Variants in NIPA1 observed in about 807,000 individuals in gnomAD.
The protein encoded by NIPA1 is NIPA magnesium transporter 1, also known as magnesium transporter NIPA1.
NIPA1 carries 13 observed loss-of-function variants against 23.9 expected under a neutral mutation model. That is an observed-to-expected ratio of 0.54 (90% confidence interval 0.35 to 0.87). NIPA1 has a LOEUF of 0.87. Among genes scored for constraint, NIPA1 ranks in the 40% least tolerant of loss-of-function variants. The pLI is 0.01. For synonymous variants in NIPA1, 234 were observed against 202.9 expected, an observed-to-expected ratio of 1.15 and a Z score of -1.30; for missense variants, 362 against 429.7, an observed-to-expected ratio of 0.84 and a Z score of 1.39.
intron 1 of NIPA1, among the ~76,000 whole-genome samples, chr15:22,806,015 C>T (rs1895200844): frequency 6.6e-6 from 1 of 152,110 alleles, no homozygotes; most frequent in Non-Finnish European, 1.5e-5. Context: ...GCTCCGCCTT[C>T]TGGGTTCACA....
chr15:22,794,734 A>G (rs1894906387), intron 1 of NIPA1, among the ~76,000 whole-genome samples: 1 of 151,882 alleles, frequency 6.6e-6, no homozygotes, highest in Non-Finnish European at 1.5e-5. Flanking sequence ...TTCCTGTCAT[A>G]CCCACGCTCC....
rs568699524 is a variant in NIPA1 at position 22,827,349 on chromosome 15, C to T, written c.*3110C>T. The T allele has an allele frequency of 6.6e-6, 1 of 152,276 alleles. No homozygotes were observed. Among genetic ancestry groups the T allele is most frequent in the East Asian group, 1.9e-4 (1 of 5,174 alleles). 9.4% of individuals were successfully genotyped at this position (152,276 alleles called of 1,614,324 possible). A position where few individuals can be genotyped will look rare whatever the true frequency, so the allele number is the denominator to read the frequency against. On this transcript the variant is annotated 3_prime_UTR_variant, in exon 5 of 5. Coordinates refer to ENST00000337435, the MANE Select transcript of NIPA1 (RefSeq NM_144599.5). ...ACCCTAACCCAGCACCACAAAGCCC[C>T]CCTGGAGCATCTTCCCGGCTGGCAG...
chr15:22,819,062 TTTG>T, intron 3 of NIPA1, among the ~76,000 whole-genome samples: 1 of 152,212 alleles, frequency 6.6e-6, no homozygotes, highest in Admixed American at 6.5e-5. Flanking sequence ...ATTCATGTCT[TTTG>T]TTGTTTCTTT....
intron 1 of NIPA1, among the ~76,000 whole-genome samples, chr15:22,802,133 C>A (rs142946769): frequency 6.6e-6 from 1 of 152,036 alleles, no homozygotes; most frequent in Non-Finnish European, 1.5e-5. Flanking sequence ...GTGGCTCACG[C>A]CCGTAATCCC....
chr15:22,811,627 G>A (rs549866297), intron 2 of NIPA1, among the ~76,000 whole-genome samples: 1 of 152,206 alleles, frequency 6.6e-6, no homozygotes, highest in African/African-American at 2.4e-5. Flanking sequence ...GAAACATCAT[G>A]TACTTTGTTT....
At chr15:22,817,499 C>CAAA (rs60309093) in intron 3 of NIPA1, among the ~76,000 whole-genome samples, 2,823 of 122,900 alleles carry the variant, frequency 0.023, 74 homozygotes, top group African/African-American at 0.066. Flanking sequence ...AACTCCGTCT[C>CAAA]AAAAAAAAAA....
intron 1 of NIPA1, among the ~76,000 whole-genome samples, chr15:22,810,471 G>A: frequency 6.6e-6 from 1 of 152,236 alleles, no homozygotes; most frequent in Non-Finnish European, 1.5e-5. Flanking sequence ...CTTTGTGGTA[G>A]CTTGTTGGGT....
rs1173759010 is a variant in NIPA1, at chr15:22,824,555, G to C, written c.*316G>C. Reference sequence around the variant, plus strand: ...AAAACATTTTAACATTATTTAAACAGAAAAAGATGGGCTCTTTCTGGTTAG... The same window carrying C: ...AAAACATTTTAACATTATTTAAACACAAAAAGATGGGCTCTTTCTGGTTAG... On this transcript the variant is annotated 3_prime_UTR_variant, in exon 5 of 5. Coordinates refer to ENST00000337435, the MANE Select transcript of NIPA1 (RefSeq NM_144599.5). This position sits in a 1 kb window ranked among gnomAD's most constrained non-coding sequence, Gnocchi z 4.1. 1 of 346,608 alleles carries C rather than the reference G, an allele frequency of 2.9e-6. No individual in the cohort carries two copies. Among genetic ancestry groups the C allele is most frequent in the African/African-American group, 2.1e-5 (1 of 47,662 alleles). The allele number at this position is 346,608 out of a possible 1,614,324, so 21.5% of individuals were successfully genotyped here. A position where few individuals can be genotyped will look rare whatever the true frequency, so the allele number is the denominator to read the frequency against.
Position 22,795,332 on chromosome 15 carries a change from T to A in NIPA1, c.178+8498T>A, listed in dbSNP as rs193293527. ...ACCGAAGCCCCATGGTGTCCCAGAC[T>A]CATGCCATGTTGTGATTCTGTGGTG... On this transcript the variant is annotated intron_variant, in intron 1 of 4. Transcript: ENST00000337435. Among the ~76,000 whole-genome samples the A allele has an allele frequency of 5.9e-5, 9 of 152,164 alleles. No homozygotes were observed. In the East Asian group the frequency reaches 1.7e-3, roughly 29 times the overall value.
chr15:22,786,873 G>A, intron 1 of NIPA1, 39 bp downstream of exon 1: 1 of 851,400 alleles, frequency 1.2e-6, no homozygotes, highest in Non-Finnish European at 1.5e-6. Context: ...GGGCGGGTGG[G>A]GGAGGCGGGC....
At position 22,812,202 on chromosome 15, in the gene NIPA1, C is replaced by T. The variant is rs548931873; in HGVS notation, c.266C>T (p.Ala89Val). ...ATTGGAAACTTCCTGGCTTACACGG[C>T]GGTCCCCACGGTCCTGGTAACCCCC... ...GQIGNFLAYT[A>V]VPTVLVTPLG... Residue 89 changes from alanine (A) to valine (V), a missense_variant, in exon 3 of 5, where the codon GCG becomes GTG. Physicochemically the swap from Ala to Val is moderately conservative, Grantham distance 64. Coordinates refer to ENST00000337435, the MANE Select transcript of NIPA1 (RefSeq NM_144599.5). 66 of 1,613,700 alleles carry T rather than the reference C, an allele frequency of 4.1e-5. No individual in the cohort carries two copies. The highest frequency in any genetic ancestry group is 1.7e-4 in the Middle Eastern group (1 of 6,058).
chr15:22,801,758 A>G (rs1017329496), intron 1 of NIPA1, among the ~76,000 whole-genome samples: 1 of 151,954 alleles, frequency 6.6e-6, no homozygotes, highest in Non-Finnish European at 1.5e-5. Context: ...CTTGTGATCC[A>G]TATGCCTTGG....
intron 1 of NIPA1, among the ~76,000 whole-genome samples, chr15:22,807,753 A>G (rs917839455): frequency 4.3e-5 from 6 of 139,998 alleles, no homozygotes; most frequent in Non-Finnish European, 7.6e-5. Context: ...GTATGCCCTT[A>G]GGATAATTTC....
intron 3 of NIPA1, chr15:22,814,116 G>A (rs1352021109): frequency 4.7e-6 from 6 of 1,271,612 alleles, no homozygotes; most frequent in Admixed American, 4.6e-5. Context: ...GTCAGATGGT[G>A]TTCTGGATAA....
chr15:22,809,520 G>A (rs1280785060), intron 1 of NIPA1, among the ~76,000 whole-genome samples: 2 of 152,112 alleles, frequency 1.3e-5, no homozygotes, highest in African/African-American at 2.4e-5. Flanking sequence ...TGAGGCAGGC[G>A]GATCACCTGA....
chr15:22,791,351 C>G (rs1275728744), intron 1 of NIPA1, among the ~76,000 whole-genome samples: 1 of 151,994 alleles, frequency 6.6e-6, no homozygotes, highest in Non-Finnish European at 1.5e-5. Context: ...AGTTTAAACT[C>G]TAAATGAATT....
intron 1 of NIPA1, among the ~76,000 whole-genome samples, chr15:22,800,676 C>T: frequency 6.6e-6 from 1 of 152,146 alleles, no homozygotes; most frequent in South Asian, 2.1e-4. Flanking sequence ...CGCCTGTAAT[C>T]CCAGCACTTT....
rs776013407 is a variant in NIPA1 at position 22,820,403 on chromosome 15, G to A, written c.408G>A (p.Leu136=). The A allele has an allele frequency of 1.6e-5, 25 of 1,612,594 alleles. No individual in the cohort carries two copies. Among genetic ancestry groups the A allele is most frequent in the Non-Finnish European group, 2.0e-5 (24 of 1,178,696 alleles). Residue 136 remains leucine (L), a synonymous_variant, in exon 4 of 5, where the codon CTG becomes CTA. Coordinates refer to ENST00000337435, the MANE Select transcript of NIPA1 (RefSeq NM_144599.5). The stretch of plus-strand genomic sequence containing the variant: ...TAAGCTGTGCAGGCTCCGTCGTGCT[G>A]ATTATCCACTCCCCAAAGTCTGAGA... ...CLLSCAGSVV[L]IIHSPKSESV...
chr15:22,799,929 A>G (rs2140856001), intron 1 of NIPA1, among the ~76,000 whole-genome samples: 1 of 140,860 alleles, frequency 7.1e-6, no homozygotes, highest in Non-Finnish European at 1.5e-5. Flanking sequence ...GGGAGACAGA[A>G]TGAGACCCTG....
Sources: gnomAD v4.1 joint callset for allele counts (sites outside exome capture counted in the v4.1 genomes callset) on GRCh38, gnomAD v4.1.1 for gene constraint, Gnocchi (gnomAD v3.1) non-coding constraint, MANE v1.5 for transcripts, NCBI Gene and HGNC (gene_info 2026-07-23, HGNC 2026-07-21) for gene names.